The following LRMDA variants were observed in gnomAD, a reference collection of about 807,000 sequenced individuals.
The protein encoded by LRMDA is leucine-rich melanocyte differentiation-associated protein.
A neutral mutation model predicts 29.8 loss-of-function variants in LRMDA; 18 were observed. The ratio of observed to expected loss-of-function variants is 0.60; its 90% confidence interval spans 0.42 to 0.90. The LOEUF is 0.90. Among genes scored for constraint, LRMDA ranks in the 40% least tolerant of loss-of-function variants. The pLI is 0.00. For missense variants in LRMDA, 273 were observed against 273.9 expected (o/e 1.00, Z 0.02); for synonymous variants, 125 against 109.4 (o/e 1.14, Z -0.89).
chr10:75,590,726 C>CTTTTTTTTTTTTTTTTTTTTTTTTTT (rs67966004), intron 2 of LRMDA, among the ~76,000 whole-genome samples: 3 of 71,384 alleles, frequency 4.2e-5, no homozygotes, highest in Non-Finnish European at 7.5e-5. Flanking sequence ...ATAAAATAGT[C>CTTTTTTTTTTTTTTTTTTTTTTTTTT]TTTTTTTTTT....
intron 2 of LRMDA, among the ~76,000 whole-genome samples, chr10:75,676,589 C>T (rs1841963005): frequency 6.6e-6 from 1 of 152,168 alleles, no homozygotes; most frequent in African/African-American, 2.4e-5. Context: ...CCATGGAATT[C>T]CTGTTTCCTC....
intron 5 of LRMDA, among the ~76,000 whole-genome samples, chr10:76,241,002 A>G (rs1852267592): frequency 1.3e-5 from 2 of 152,098 alleles, no homozygotes; most frequent in Admixed American, 1.3e-4. Context: ...TAAATGAAGT[A>G]ACTCAGGAAT....
intron 6 of LRMDA, among the ~76,000 whole-genome samples, chr10:76,351,620 A>C (rs1173738085): frequency 2.0e-5 from 3 of 148,938 alleles, no homozygotes; most frequent in Non-Finnish European, 4.5e-5. Context: ...TTATGCACCC[A>C]CCCCTTTCCA....
chr10:76,361,155 G>T (rs1239578543), intron 6 of LRMDA, among the ~76,000 whole-genome samples: 1 of 152,138 alleles, frequency 6.6e-6, no homozygotes, highest in Non-Finnish European at 1.5e-5. Context: ...CAGCTACTCA[G>T]GAGGCTGAGG....
At chr10:75,601,489 A>G (rs1361211569) in intron 2 of LRMDA, among the ~76,000 whole-genome samples, 1 of 152,208 alleles carries the variant, frequency 6.6e-6, no homozygotes, top group Non-Finnish European at 1.5e-5. Flanking sequence ...GTGTGGTTCT[A>G]GTACCTGCCT....
chr10:76,367,390 T>TTTG (rs574076319), intron 6 of LRMDA, among the ~76,000 whole-genome samples: 143 of 151,332 alleles, frequency 9.4e-4, no homozygotes, highest in African/African-American at 3.2e-3. Context: ...TCCTGGACTT[T>TTTG]TTGTTGTTGT....
intron 5 of LRMDA, among the ~76,000 whole-genome samples, chr10:76,182,867 C>T (rs1851079309): frequency 6.6e-6 from 1 of 152,054 alleles, no homozygotes; most frequent in South Asian, 2.1e-4. Context: ...GGGTGATGGT[C>T]CCAGGAAAGA....
intron 2 of LRMDA, among the ~76,000 whole-genome samples, chr10:76,007,771 G>A (rs1751785331): frequency 6.6e-6 from 1 of 152,150 alleles, no homozygotes. Flanking sequence ...CTCTTCCAAA[G>A]GATTTATCGT....
intron 2 of LRMDA, among the ~76,000 whole-genome samples, chr10:75,503,117 C>A (rs1479406570): frequency 6.6e-6 from 1 of 151,906 alleles, no homozygotes; most frequent in Non-Finnish European, 1.5e-5. Context: ...AAAAGCCAGG[C>A]AGGGACTGCA....
intron 2 of LRMDA, among the ~76,000 whole-genome samples, chr10:75,840,951 T>C (rs1468579185): frequency 6.6e-6 from 1 of 152,238 alleles, no homozygotes; most frequent in East Asian, 1.9e-4. Context: ...TGTGTTTGTG[T>C]GTGCTTTTGT....
chr10:76,251,473 C>T (rs1248554976), intron 5 of LRMDA, among the ~76,000 whole-genome samples: 2 of 151,004 alleles, frequency 1.3e-5, no homozygotes, highest in South Asian at 2.1e-4. Context: ...AGGATGGTCT[C>T]GATCTCCTGA....
At chr10:76,502,686 C>T (rs1378851441) in intron 6 of LRMDA, among the ~76,000 whole-genome samples, 1 of 151,402 alleles carries the variant, frequency 6.6e-6, no homozygotes, top group African/African-American at 2.4e-5. Context: ...AGAAATGCTG[C>T]TGATTTTTGT....
chr10:76,085,827 C>A (rs952581229), intron 5 of LRMDA, among the ~76,000 whole-genome samples: 1 of 152,160 alleles, frequency 6.6e-6, no homozygotes, highest in Non-Finnish European at 1.5e-5. Context: ...CCTCCCCGCT[C>A]TCCCTCACAC....
rs571450784 is a variant in LRMDA, at chr10:75,893,073, G to A, written c.132-142935G>A. Among the ~76,000 whole-genome samples the A allele has an allele frequency of 1.8e-4, 27 of 152,312 alleles. No individual in the cohort carries two copies. The South Asian group carries it at 5.0e-3, about 28-fold the overall frequency. ...CTGGCTTTCAGTAAAGGTTCACTGGGTTGGACTCGTGTGATAGGAATTAGG... is the reference window on the plus strand; with the variant it reads ...CTGGCTTTCAGTAAAGGTTCACTGGATTGGACTCGTGTGATAGGAATTAGG... On this transcript the variant is annotated intron_variant, in intron 2 of 6. Coordinates refer to ENST00000611255, the MANE Select transcript of LRMDA (RefSeq NM_001305581.2).
At position 75,544,394 on chromosome 10, in the gene LRMDA, A is replaced by G. The variant is rs184634439; in HGVS notation, c.131+105900A>G. 3.7e-3 allele frequency among the ~76,000 whole-genome samples: 558 copies of G among 152,320 alleles called. 6 individuals are homozygous for G. The highest frequency in any genetic ancestry group is 0.013 in the African/African-American group (536 of 41,584). On this transcript the variant is annotated intron_variant, in intron 2 of 6. Transcript: ENST00000611255. ...TTATTTCTGCAAAATGAAAAGGATT[A>G]TTTTGGGTAAGTGGAATTTTTTAGG...
chr10:76,255,992 C>T (rs1852587200), intron 5 of LRMDA, among the ~76,000 whole-genome samples: 1 of 152,174 alleles, frequency 6.6e-6, no homozygotes, highest in Admixed American at 6.5e-5. Context: ...CAGTTTCATT[C>T]TTCTAATTCT....
intron 2 of LRMDA, among the ~76,000 whole-genome samples, chr10:75,495,934 C>T (rs1845040349): frequency 1.3e-5 from 2 of 152,170 alleles, no homozygotes; most frequent in African/African-American, 2.4e-5. Flanking sequence ...TTGCAGATGA[C>T]ATTGCTGTGT....
At chr10:76,078,515 C>G (rs887284616) in intron 5 of LRMDA, among the ~76,000 whole-genome samples, 1 of 151,966 alleles carries the variant, frequency 6.6e-6, no homozygotes, top group Non-Finnish European at 1.5e-5. Context: ...GCATCTGCCT[C>G]TCTTTGCATT....
intron 2 of LRMDA, among the ~76,000 whole-genome samples, chr10:75,514,315 CT>C (rs534475514): frequency 0.015 from 2,211 of 143,712 alleles, 21 homozygotes; most frequent in South Asian, 0.039. Context: ...TCTTCTTCTT[CT>C]TTTTTTTTTT....
Sources: gnomAD v4.1 joint callset for allele counts (sites outside exome capture counted in the v4.1 genomes callset) on GRCh38, gnomAD v4.1.1 for gene constraint, MANE v1.5 for transcripts, NCBI Gene and HGNC (gene_info 2026-07-23, HGNC 2026-07-21) for gene names.